CNTN3: variants seen among roughly 807,000 people sequenced by gnomAD.
CNTN3 encodes contactin 3, also known as contactin-3.
Under a neutral mutation model 119.1 loss-of-function variants are expected in CNTN3, and 60 were observed. That is an observed-to-expected ratio of 0.50 (90% CI 0.41 to 0.62). The LOEUF is 0.62. Ranked by LOEUF, CNTN3 falls within the 20% of genes least tolerant of loss-of-function variation. The probability of loss-of-function intolerance (pLI) is 0.00; values close to 1 mark genes in which losing one functional copy is unlikely to be tolerated. For missense variants in CNTN3, 1,101 were observed against 1,242.4 expected, an observed-to-expected ratio of 0.89 and a Z score of 1.71; for synonymous variants, 450 against 438.7, an observed-to-expected ratio of 1.03 and a Z score of -0.32.
chr3:74,475,568 T>C (rs1364190245), intron 4 of CNTN3, among the ~76,000 whole-genome samples: 1 of 152,200 alleles, frequency 6.6e-6, no homozygotes, highest in Non-Finnish European at 1.5e-5. Context: ...AAAATTAATT[T>C]GTTCATCTCT....
chr3:74,392,811 T>C (rs933611206), intron 5 of CNTN3, among the ~76,000 whole-genome samples: 1 of 152,150 alleles, frequency 6.6e-6, no homozygotes, highest in Non-Finnish European at 1.5e-5. Context: ...CTTATTTTTT[T>C]TTTATTTTTG....
intron 1 of CNTN3, among the ~76,000 whole-genome samples, chr3:74,575,921 G>A (rs890574282): frequency 6.6e-6 from 1 of 151,880 alleles, no homozygotes; most frequent in Non-Finnish European, 1.5e-5. Flanking sequence ...TGCCCAGGTG[G>A]GTAAAGGATG....
At chr3:74,543,147 T>A (rs763253061) in intron 1 of CNTN3, among the ~76,000 whole-genome samples, 2 of 151,752 alleles carry the variant, frequency 1.3e-5, no homozygotes, top group Admixed American at 1.3e-4. Flanking sequence ...AAAAAAAAAA[T>A]TGTGTATTAA....
At chr3:74,283,642 G>A (rs1702057515) in intron 20 of CNTN3, among the ~76,000 whole-genome samples, 1 of 151,996 alleles carries the variant, frequency 6.6e-6, no homozygotes, top group Non-Finnish European at 1.5e-5. Context: ...CAATTATTAA[G>A]TCAGAGAAAA....
intron 1 of CNTN3, among the ~76,000 whole-genome samples, chr3:74,612,689 T>C (rs1705102470): frequency 1.3e-5 from 2 of 152,188 alleles, no homozygotes; most frequent in South Asian, 4.1e-4. Flanking sequence ...CAATTTGCTA[T>C]ATTTCCCTGG....
At chr3:74,348,677 A>G (rs945224214) in intron 11 of CNTN3, among the ~76,000 whole-genome samples, 2 of 152,218 alleles carry the variant, frequency 1.3e-5, no homozygotes, top group African/African-American at 4.8e-5. Flanking sequence ...ATCCCACTGC[A>G]GCCACAGGAG....
At chr3:74,503,415 A>C (rs556111990) in intron 2 of CNTN3, among the ~76,000 whole-genome samples, 1 of 152,218 alleles carries the variant, frequency 6.6e-6, no homozygotes, top group South Asian at 2.1e-4. Flanking sequence ...TAAGTACAAA[A>C]TAATAATCAA....
chr3:74,561,321 G>C (rs778397848), intron 1 of CNTN3, among the ~76,000 whole-genome samples: 10 of 151,876 alleles, frequency 6.6e-5, no homozygotes, highest in South Asian at 4.2e-4. Context: ...TTATTTCCCT[G>C]CTTAAATGTC....
At chr3:74,402,706 T>C (rs1399799738) in intron 5 of CNTN3, among the ~76,000 whole-genome samples, 4 of 151,982 alleles carry the variant, frequency 2.6e-5, no homozygotes, top group Non-Finnish European at 5.9e-5. Flanking sequence ...ATACACGAAA[T>C]AAATACAATA....
intron 4 of CNTN3, among the ~76,000 whole-genome samples, chr3:74,451,429 A>G (rs1274334694): frequency 6.6e-6 from 1 of 151,894 alleles, no homozygotes; most frequent in Non-Finnish European, 1.5e-5. Context: ...TTGTCAGATG[A>G]GTAGGTTGTG....
chr3:74,447,982 C>A (rs1006545383), intron 4 of CNTN3, among the ~76,000 whole-genome samples: 1 of 152,152 alleles, frequency 6.6e-6, no homozygotes, highest in Non-Finnish European at 1.5e-5. Flanking sequence ...TCCATGTAGA[C>A]CGTTGCCTGA....
In CNTN3 at chr3:74,417,826, C is replaced by T. The variant is rs117535722; in HGVS notation, c.454+7019G>A. On this transcript the variant is annotated intron_variant, in intron 5 of 22. Coordinates refer to ENST00000263665, the MANE Select transcript of CNTN3 (RefSeq NM_020872.3). ...ACTATGAATCTGTTAATATTCTGAA[C>T]TCCTGAAAATGTCAATAGTCACATC... Among the ~76,000 whole-genome samples the T allele has an allele frequency of 6.0e-4, 91 of 152,274 alleles. 4 individuals carry two copies. The East Asian group carries it at 0.017, about 28-fold the overall frequency.
At chr3:74,367,058 G>T (rs1258369551) in intron 8 of CNTN3, among the ~76,000 whole-genome samples, 1 of 150,482 alleles carries the variant, frequency 6.6e-6, no homozygotes, top group Non-Finnish European at 1.5e-5. Flanking sequence ...AATCATAACT[G>T]CCACATCAAT....
At chr3:74,384,492 A>G (rs1704699027) in intron 5 of CNTN3, among the ~76,000 whole-genome samples, 1 of 152,254 alleles carries the variant, frequency 6.6e-6, no homozygotes. Flanking sequence ...AATCTGTTTG[A>G]TACAAATGCT....
intron 1 of CNTN3, among the ~76,000 whole-genome samples, chr3:74,533,383 A>G (rs774389720): frequency 1.3e-5 from 2 of 151,972 alleles, no homozygotes; most frequent in Non-Finnish European, 2.9e-5. Flanking sequence ...CATAATACTA[A>G]TGCAGCACTT....
At chr3:74,409,139 C>T (rs1701395986) in intron 5 of CNTN3, among the ~76,000 whole-genome samples, 1 of 152,134 alleles carries the variant, frequency 6.6e-6, no homozygotes, top group African/African-American at 2.4e-5. Context: ...CTGAGGCTGT[C>T]TCTGAGACCA....
chr3:74,486,543 T>C lies in CNTN3; in HGVS notation c.271A>G (p.Arg91Gly), dbSNP rs1702862272. The C allele has an allele frequency of 6.2e-7, 1 of 1,609,820 alleles. No individual in the cohort carries two copies. Among genetic ancestry groups the C allele is most frequent in the Non-Finnish European group, 8.5e-7 (1 of 1,178,472 alleles). ...GGNLVVINPN[R>G]NWDTGTYQCF... Reference sequence around the variant, plus strand: ...TGGTAAGTTCCTGTATCCCAATTTCTGTTGGGATTAATAACCACAAGATTT... The same window carrying C: ...TGGTAAGTTCCTGTATCCCAATTTCCGTTGGGATTAATAACCACAAGATTT... The change falls in exon 4 of 23, where the codon AGA becomes GGA. Residue 91 changes from arginine to glycine, a missense_variant. Transcript: ENST00000263665.
chr3:74,609,022 A>T (rs1705037835), intron 1 of CNTN3, among the ~76,000 whole-genome samples: 1 of 152,158 alleles, frequency 6.6e-6, no homozygotes, highest in Non-Finnish European at 1.5e-5. Context: ...TGAACGAAAC[A>T]ACAAAGAATT....
intron 5 of CNTN3, among the ~76,000 whole-genome samples, chr3:74,394,804 C>A (rs1484565237): frequency 1.0e-5 from 1 of 97,074 alleles, no homozygotes; most frequent in Non-Finnish European, 2.1e-5. Context: ...TTATTAATGA[C>A]TTTTAATCTT....
Sources: allele counts gnomAD v4.1 joint callset (sites outside exome capture counted in the v4.1 genomes callset), GRCh38; gene constraint gnomAD v4.1.1; transcripts MANE v1.5; gene names NCBI Gene and HGNC (gene_info 2026-07-23, HGNC 2026-07-21).